The following RIMS2 variants were observed in gnomAD, a reference collection of about 807,000 sequenced individuals.
RIMS2 encodes the protein regulating synaptic membrane exocytosis protein 2.
RIMS2 carries 59 observed loss-of-function variants against 174.4 expected under a neutral mutation model. That is an observed-to-expected ratio of 0.34 (90% CI 0.27 to 0.42). RIMS2 has a LOEUF of 0.42. RIMS2 is among the 10% of genes least tolerant of loss of function. The pLI, the probability that RIMS2 is intolerant of heterozygous loss-of-function variation, is 1.00. For synonymous variants in RIMS2, 606 were observed against 572.5 expected (o/e 1.06, Z -0.84); for missense variants, 1,620 against 1,666.3 (o/e 0.97, Z 0.48).
At chr8:104,096,874 C>T (rs2097771534) in intron 19 of RIMS2, among the ~76,000 whole-genome samples, 1 of 131,608 alleles carries the variant, frequency 7.6e-6, no homozygotes, top group East Asian at 2.1e-4. Context: ...CCGCCCCCCA[C>T]CAAAAAAAAA....
At chr8:104,081,581 A>G (rs1236425248) in intron 19 of RIMS2, among the ~76,000 whole-genome samples, 1 of 152,004 alleles carries the variant, frequency 6.6e-6, no homozygotes, top group Non-Finnish European at 1.5e-5. Context: ...ATCAGTCTAA[A>G]CTTGCTTGCC....
intron 4 of RIMS2, among the ~76,000 whole-genome samples, chr8:103,908,138 T>C (rs2154526476): frequency 6.6e-6 from 1 of 152,148 alleles, no homozygotes; most frequent in Middle Eastern, 3.4e-3. Flanking sequence ...GCCTCCCAGG[T>C]TCAAGAAATC....
At chr8:103,961,463 A>G (rs569320088) in intron 15 of RIMS2, among the ~76,000 whole-genome samples, 1 of 152,250 alleles carries the variant, frequency 6.6e-6, no homozygotes, top group South Asian at 2.1e-4. Context: ...TGGAAAAAAG[A>G]TGAAATCTTT....
At chr8:104,165,487 G>GT (rs573718736) in intron 19 of RIMS2, among the ~76,000 whole-genome samples, 1,846 of 148,604 alleles carry the variant, frequency 0.012, 28 homozygotes, top group African/African-American at 0.033. Context: ...ACTTTTTTCT[G>GT]TTTTTTTTTA....
chr8:104,022,601 A>G (rs2096131863), intron 19 of RIMS2, among the ~76,000 whole-genome samples: 1 of 151,942 alleles, frequency 6.6e-6, no homozygotes, highest in South Asian at 2.1e-4. Flanking sequence ...GGCTGGTCTC[A>G]AACTCCTGAC....
intron 3 of RIMS2, among the ~76,000 whole-genome samples, chr8:103,855,002 T>G (rs900676822): frequency 6.6e-6 from 1 of 151,990 alleles, no homozygotes; most frequent in African/African-American, 2.4e-5. Flanking sequence ...CTTTTTTTGG[T>G]TGGTAGGTTT....
chr8:103,713,710 G>C (rs1304362054), intron 2 of RIMS2, among the ~76,000 whole-genome samples: 1 of 152,076 alleles, frequency 6.6e-6, no homozygotes, highest in Non-Finnish European at 1.5e-5. Flanking sequence ...GTAAAATGCA[G>C]ATTTGATTAT....
chr8:103,795,595 T>A (rs1554832607), intron 3 of RIMS2, among the ~76,000 whole-genome samples: 1 of 151,614 alleles, frequency 6.6e-6, no homozygotes, highest in Non-Finnish European at 1.5e-5. Flanking sequence ...TGATGAAAAA[T>A]AAGAAGTACA....
chr8:103,964,981 T>G (rs2091414522), intron 15 of RIMS2, among the ~76,000 whole-genome samples: 1 of 152,212 alleles, frequency 6.6e-6, no homozygotes, highest in African/African-American at 2.4e-5. Context: ...TATCAGTTTA[T>G]TTCTAGGCTG....
At chr8:103,933,472 G>T (rs1419102507) in intron 12 of RIMS2, among the ~76,000 whole-genome samples, 1 of 152,138 alleles carries the variant, frequency 6.6e-6, no homozygotes, top group East Asian at 1.9e-4. Context: ...CCTGACAACA[G>T]AGCAAGAATC....
chr8:103,673,953 G>C (rs909091020), intron 1 of RIMS2, among the ~76,000 whole-genome samples: 2 of 152,190 alleles, frequency 1.3e-5, no homozygotes, highest in African/African-American at 4.8e-5. Context: ...TAGAAGCAGG[G>C]AGGCCACATC....
chr8:103,832,020 T>C lies in RIMS2; in HGVS notation c.699-53278T>C, dbSNP rs546422044. Among the ~76,000 whole-genome samples the C allele has an allele frequency of 3.1e-3, 475 of 152,310 alleles. 4 individuals carry two copies. Among genetic ancestry groups the C allele is most frequent in the South Asian group, 9.7e-3 (47 of 4,826 alleles). On this transcript the variant is annotated intron_variant, in intron 3 of 23. Transcript: ENST00000504942. ...AGGATAGCTCAGCACCCTATGTCTT[T>C]TCCTTTTTTTGTCTCAATAGTGAAA...
chr8:103,788,134 G>T (rs2098461455), intron 3 of RIMS2, among the ~76,000 whole-genome samples: 2 of 150,208 alleles, frequency 1.3e-5, no homozygotes, highest in African/African-American at 4.9e-5. Flanking sequence ...GCCCCTTTAA[G>T]CACTTCTCTG....
At chr8:103,620,768 T>G (rs2095616115) in intron 1 of RIMS2, among the ~76,000 whole-genome samples, 1 of 152,192 alleles carries the variant, frequency 6.6e-6, no homozygotes, top group Non-Finnish European at 1.5e-5. Context: ...ATTAAATAAT[T>G]TATGTAGAAA....
chr8:103,756,099 A>C (rs1201266272), intron 2 of RIMS2, among the ~76,000 whole-genome samples: 2 of 152,186 alleles, frequency 1.3e-5, no homozygotes, highest in African/African-American at 4.8e-5. Flanking sequence ...GGTGTCCTAC[A>C]GATGGGGTTT....
Position 103,613,188 on chromosome 8 carries a change from G to A in RIMS2, c.177-83898G>A, listed in dbSNP as rs1441251525. On this transcript the variant is annotated intron_variant, in intron 1 of 23. Coordinates refer to ENST00000504942, the Ensembl canonical transcript of RIMS2. ...GATGCTTTCTTGGAGCTAGGATTTG[G>A]AGTCAAAAACCTTAGGAATTTGTCT... is the stretch of plus-strand genomic sequence containing the variant. 4.6e-5 allele frequency among the ~76,000 whole-genome samples: 7 copies of A among 152,168 alleles called. No homozygotes were observed. The South Asian group carries it at 1.0e-3, about 23-fold the overall frequency.
In RIMS2 at chr8:103,723,060, C is replaced by T. The variant is rs188288195; in HGVS notation, c.387+25764C>T. On this transcript the variant is annotated intron_variant, in intron 2 of 23. Coordinates refer to ENST00000504942, the Ensembl canonical transcript of RIMS2. Reference sequence around the variant, plus strand: ...CCAGGAGGTGGAGGTTGCAGTGAGCCGAGATTGTGCCACTGCACTCGAGCC... The same window carrying T: ...CCAGGAGGTGGAGGTTGCAGTGAGCTGAGATTGTGCCACTGCACTCGAGCC... 1.3e-3 allele frequency among the ~76,000 whole-genome samples: 201 copies of T among 152,090 alleles called. 1 individual carries two copies. Among genetic ancestry groups the T allele is most frequent in the African/African-American group, 4.4e-3 (182 of 41,468 alleles).
intron 10 of RIMS2, among the ~76,000 whole-genome samples, chr8:103,926,238 A>G (rs1195691135): frequency 6.6e-6 from 1 of 151,602 alleles, no homozygotes; most frequent in Non-Finnish European, 1.5e-5. Flanking sequence ...ATGTATTTCT[A>G]AAGTACCTTG....
chr8:103,906,544 C>CACAA (rs2074447165), intron 4 of RIMS2, among the ~76,000 whole-genome samples: 1 of 152,186 alleles, frequency 6.6e-6, no homozygotes, highest in Non-Finnish European at 1.5e-5. Context: ...CTGCACCCAG[C>CACAA]ATATATGACA....
Sources: gnomAD v4.1 joint callset for allele counts (sites outside exome capture counted in the v4.1 genomes callset) on GRCh38, gnomAD v4.1.1 for gene constraint, MANE v1.5 for transcripts, NCBI Gene and HGNC (gene_info 2026-07-23, HGNC 2026-07-21) for gene names.